The following GRIP1 variants were observed in gnomAD, a reference collection of about 807,000 sequenced individuals.
The protein encoded by GRIP1 is glutamate receptor-interacting protein 1.
Under a neutral mutation model 129.9 loss-of-function variants are expected in GRIP1, and 45 were observed. The ratio of observed to expected loss-of-function variants is 0.35; its 90% CI spans 0.27 to 0.44. GRIP1 has a LOEUF of 0.44. GRIP1 is among the 20% of genes least tolerant of loss of function. The pLI, the probability that GRIP1 is intolerant of heterozygous loss-of-function variation, is 1.00. For synonymous variants in GRIP1, 530 were observed against 520.8 expected, an observed-to-expected ratio of 1.02 and a Z score of -0.24; for missense variants, 1,196 against 1,396.8, an observed-to-expected ratio of 0.86 and a Z score of 2.29.
intron 7 of GRIP1, among the ~76,000 whole-genome samples, chr12:66,482,870 T>C (rs1053298352): frequency 6.6e-6 from 1 of 152,136 alleles, no homozygotes; most frequent in Non-Finnish European, 1.5e-5. Context: ...AAATGAAGCA[T>C]GGTTGAGAAA....
intron 1 of GRIP1, among the ~76,000 whole-genome samples, chr12:66,782,049 T>C (rs934942276): frequency 6.6e-6 from 1 of 152,294 alleles, no homozygotes; most frequent in East Asian, 1.9e-4. Context: ...TGGATAAGAA[T>C]TAGTGACTAG....
intron 1 of GRIP1, among the ~76,000 whole-genome samples, chr12:66,710,397 C>T (rs759125940): frequency 6.6e-6 from 1 of 151,926 alleles, no homozygotes; most frequent in Non-Finnish European, 1.5e-5. Flanking sequence ...TATGGTTATC[C>T]TTTTTATGGG....
chr12:66,934,236 G>GTC (rs1166866848), intron 1 of GRIP1, among the ~76,000 whole-genome samples: 3 of 152,026 alleles, frequency 2.0e-5, no homozygotes, highest in Non-Finnish European at 4.4e-5. Flanking sequence ...TCACCTCTAG[G>GTC]TCTCTGCTCA....
intron 1 of GRIP1, among the ~76,000 whole-genome samples, chr12:66,905,407 T>C (rs1440102757): frequency 6.6e-6 from 1 of 152,164 alleles, no homozygotes; most frequent in African/African-American, 2.4e-5. Flanking sequence ...AGGTCAGTAG[T>C]TGGGCAGGGC....
At chr12:66,716,227 AT>A (rs1206395289) in intron 1 of GRIP1, among the ~76,000 whole-genome samples, 1 of 152,094 alleles carries the variant, frequency 6.6e-6, no homozygotes, top group East Asian at 1.9e-4. Flanking sequence ...AACACATTTA[AT>A]TTGCATTTTT....
At chr12:66,362,020 C>T (rs902662586) in intron 23 of GRIP1, among the ~76,000 whole-genome samples, 1 of 152,076 alleles carries the variant, frequency 6.6e-6, no homozygotes, top group Non-Finnish European at 1.5e-5. Flanking sequence ...ATTTTATTTC[C>T]CCACTGTAGA....
At chr12:66,594,907 A>T (rs567221774) in intron 2 of GRIP1, among the ~76,000 whole-genome samples, 3 of 152,362 alleles carry the variant, frequency 2.0e-5, no homozygotes, top group Admixed American at 2.0e-4. Flanking sequence ...TAAGACAGTA[A>T]GGGATCAGAA....
At chr12:66,887,589 GAT>G (rs1190675420) in intron 1 of GRIP1, among the ~76,000 whole-genome samples, 1 of 152,174 alleles carries the variant, frequency 6.6e-6, no homozygotes, top group Non-Finnish European at 1.5e-5. Context: ...ATTTACAACA[GAT>G]ATTTATTTGA....
rs117628746 is a variant in GRIP1 at position 66,387,230 on chromosome 12, G to A, written c.2464+5078C>T. Among the ~76,000 whole-genome samples, 520 of 152,340 alleles carry A rather than the reference G, an allele frequency of 3.4e-3. 4 individuals are homozygous for A. The highest frequency in any genetic ancestry group is 6.8e-3 in the Middle Eastern group (2 of 292). ...TGCACTGCATGGCTGGTGGCAGAAA[G>A]TACATGTGATCCCATCTGGCATCAA... On this transcript the variant is annotated intron_variant, in intron 19 of 24. Coordinates refer to ENST00000359742, the MANE Select transcript of GRIP1 (RefSeq NM_001366722.1).
chr12:66,567,620 A>G lies in GRIP1; in HGVS notation c.137-25670T>C, dbSNP rs551999461. 2.9e-5 allele frequency: 6 copies of G among 206,960 alleles called. No individual in the cohort carries two copies. The South Asian group carries it at 5.6e-4, about 19-fold the overall frequency. The allele number at this position is 206,960 out of a possible 1,614,324, so 12.8% of individuals were successfully genotyped here. A position where few individuals can be genotyped will look rare whatever the true frequency, so the allele number is the denominator to read the frequency against. On this transcript the variant is annotated intron_variant, in intron 2 of 24. Coordinates refer to ENST00000359742, the MANE Select transcript of GRIP1 (RefSeq NM_001366722.1). ...GATTCATATTTTTTCTGATCTTTCA[A>G]CTTCCTATCTTCTTCATTATAGACA...
At chr12:66,600,449 T>C (rs1565899609) in intron 1 of GRIP1, among the ~76,000 whole-genome samples, 1 of 152,240 alleles carries the variant, frequency 6.6e-6, no homozygotes, top group African/African-American at 2.4e-5. Context: ...TGATAAAATA[T>C]GTGAATTAAT....
chr12:66,732,453 G>A (rs189060981), intron 1 of GRIP1, among the ~76,000 whole-genome samples: 38 of 152,022 alleles, frequency 2.5e-4, no homozygotes, highest in East Asian at 1.4e-3. Flanking sequence ...CTTGGGAGGC[G>A]GAGGTGGGAG....
At position 66,505,952 on chromosome 12, in the gene GRIP1, C is replaced by T. The variant is rs529092596; in HGVS notation, c.724+9667G>A. ...ATGGCCAATATTAAAAGGTACTCAA[C>T]ATTCTTATTCATCTGGGAAATAGAC... On this transcript the variant is annotated intron_variant, in intron 7 of 24. Coordinates refer to ENST00000359742, the MANE Select transcript of GRIP1 (RefSeq NM_001366722.1). 4.6e-5 allele frequency among the ~76,000 whole-genome samples: 7 copies of T among 152,284 alleles called. No individual in the cohort carries two copies. The East Asian group carries it at 7.7e-4, about 17-fold the overall frequency.
intron 23 of GRIP1, among the ~76,000 whole-genome samples, chr12:66,354,859 C>G (rs2054402299): frequency 6.6e-6 from 1 of 152,088 alleles, no homozygotes; most frequent in Non-Finnish European, 1.5e-5. Flanking sequence ...GGACAGACAG[C>G]TAAAATATCA....
chr12:66,790,086 T>A (rs1313838498), intron 1 of GRIP1, among the ~76,000 whole-genome samples: 1 of 135,140 alleles, frequency 7.4e-6, no homozygotes, highest in East Asian at 1.9e-4. Context: ...TATGCCACTG[T>A]ACTTAAATTT....
In GRIP1 at chr12:66,882,492, T is replaced by C. The variant is rs957379378; in HGVS notation, c.58+186558A>G. Among the ~76,000 whole-genome samples, 3 of 152,224 alleles carry C rather than the reference T, an allele frequency of 2.0e-5. No individual in the cohort carries two copies. The South Asian group carries it at 6.2e-4, about 32-fold the overall frequency. ...CCAATTTTAGCCAATTAAACAGCTC[T>C]GATCTTGAGTAATTGCTTAACTTCT... On this transcript the variant is annotated intron_variant, in intron 1 of 1. Coordinates refer to the GRIP1 transcript ENST00000643019.
intron 7 of GRIP1, among the ~76,000 whole-genome samples, chr12:66,499,052 C>T (rs2060316382): frequency 6.6e-6 from 1 of 152,186 alleles, no homozygotes; most frequent in Non-Finnish European, 1.5e-5. Context: ...AAAGTTCTTA[C>T]ATAATATTTT....
intron 1 of GRIP1, among the ~76,000 whole-genome samples, chr12:66,701,722 A>T (rs1274536604): frequency 1.3e-5 from 2 of 152,182 alleles, no homozygotes; most frequent in Non-Finnish European, 2.9e-5. Context: ...TGGCTCTTAC[A>T]TACTAATCTG....
At chr12:66,654,679 G>C (rs536832194) in intron 1 of GRIP1, among the ~76,000 whole-genome samples, 1 of 152,206 alleles carries the variant, frequency 6.6e-6, no homozygotes, top group Non-Finnish European at 1.5e-5. Flanking sequence ...CTGGAAGGAG[G>C]AGAGGAGGGC....
Sources: allele counts gnomAD v4.1 joint callset (sites outside exome capture counted in the v4.1 genomes callset), GRCh38; gene constraint gnomAD v4.1.1; transcripts MANE v1.5; gene names NCBI Gene and HGNC (gene_info 2026-07-23, HGNC 2026-07-21).